The following ATP11B variants were observed in gnomAD, a reference collection of about 807,000 sequenced individuals.
ATP11B encodes phospholipid-transporting ATPase IF.
ATP11B carries 81 observed loss-of-function variants against 157.8 expected under a neutral mutation model. The ratio of observed to expected loss-of-function variants is 0.51; its 90% CI spans 0.43 to 0.62. The LOEUF (loss-of-function observed/expected upper bound fraction) is 0.62, where lower values mean the gene tolerates loss of function less well. Ranked by LOEUF, ATP11B falls within the 20% of genes least tolerant of loss-of-function variation. The pLI, the probability that ATP11B is intolerant of heterozygous loss-of-function variation, is 0.00. For missense variants in ATP11B, 1,165 were observed against 1,402.2 expected (o/e 0.83, Z 2.70); for synonymous variants, 451 against 469.4 (o/e 0.96, Z 0.51).
At chr3:182,857,855 A>T (rs1452445713) in intron 10 of ATP11B, 23 bp from the exon 11 acceptor site, 1 of 1,408,352 alleles carries the variant, frequency 7.1e-7, no homozygotes, top group Non-Finnish European at 9.9e-7. Context: ...TGTATGTTTT[A>T]TATTCTCTTT....
intron 10 of ATP11B, among the ~76,000 whole-genome samples, chr3:182,854,260 G>A (rs933558559): frequency 6.6e-6 from 1 of 151,968 alleles, no homozygotes; most frequent in Non-Finnish European, 1.5e-5. Flanking sequence ...ACCTGAGGTC[G>A]GGAGTCCGAG....
intron 2 of ATP11B, among the ~76,000 whole-genome samples, chr3:182,823,389 T>C (rs1232512827): frequency 6.6e-6 from 1 of 152,204 alleles, no homozygotes; most frequent in Non-Finnish European, 1.5e-5. Flanking sequence ...CCCCATTTCT[T>C]GTTTTTGTCA....
chr3:182,836,221 A>G lies in ATP11B; in HGVS notation c.423+79A>G, dbSNP rs953172259. ...AATTCTAATCTTGATATTACGTTTTAGTTAAAAGCCTACTTTCCTATGCTA... is the reference window on the plus strand; with the variant it reads ...AATTCTAATCTTGATATTACGTTTTGGTTAAAAGCCTACTTTCCTATGCTA... On this transcript the variant is annotated intron_variant, in intron 5 of 29. Coordinates refer to ENST00000323116, the MANE Select transcript of ATP11B (RefSeq NM_014616.3). The G allele has an allele frequency of 3.2e-6, 5 of 1,559,524 alleles. No individual in the cohort carries two copies. In the African/African-American group the frequency reaches 5.5e-5, roughly 17 times the overall value.
intron 21 of ATP11B, among the ~76,000 whole-genome samples, chr3:182,883,595 G>A (rs978198539): frequency 5.9e-5 from 9 of 151,470 alleles, no homozygotes; most frequent in East Asian, 2.0e-4. Flanking sequence ...ATTTTTATAC[G>A]TGTTTTTGTA....
intron 29 of ATP11B, chr3:182,915,444 C>T (rs548036903): frequency 8.1e-6 from 8 of 985,082 alleles, no homozygotes; most frequent in Non-Finnish European, 9.6e-6. Context: ...CCTAGGCCAG[C>T]AAATTTCCCA....
chr3:182,803,074 T>C (rs570300743), intron 1 of ATP11B, among the ~76,000 whole-genome samples: 52 of 152,328 alleles, frequency 3.4e-4, no homozygotes, highest in Non-Finnish European at 6.2e-4. Flanking sequence ...ATGACTATTA[T>C]TGTTTATTTA....
intron 12 of ATP11B, among the ~76,000 whole-genome samples, chr3:182,864,087 C>G (rs1056934245): frequency 1.3e-5 from 2 of 151,888 alleles, no homozygotes; most frequent in Non-Finnish European, 2.9e-5. Context: ...CAAATTTAAC[C>G]CTACCTTTCT....
chr3:182,894,538 C>T (rs1197552322), intron 25 of ATP11B, among the ~76,000 whole-genome samples: 1 of 152,188 alleles, frequency 6.6e-6, no homozygotes. Context: ...CTCACATTAT[C>T]ACCTACCAGC....
intron 21 of ATP11B, among the ~76,000 whole-genome samples, chr3:182,884,361 G>A (rs1722659750): frequency 6.6e-6 from 1 of 152,034 alleles, no homozygotes; most frequent in Non-Finnish European, 1.5e-5. Context: ...GACTCAATTT[G>A]AATATTTTTT....
chr3:182,861,028 A>G (rs1720790422), intron 12 of ATP11B, among the ~76,000 whole-genome samples: 1 of 152,064 alleles, frequency 6.6e-6, no homozygotes, highest in African/African-American at 2.4e-5. Flanking sequence ...GGTTTATGAG[A>G]GAATGGGATT....
rs567187702 is a variant in ATP11B, at chr3:182,883,535, G to A, written c.2510-1218G>A. On this transcript the variant is annotated intron_variant, in intron 21 of 29. Transcript: ENST00000323116. Reference sequence around the variant, plus strand: ...GGCCTCCCAAAGTGCTAGGACTACAGGCGTGAGCCACCACACCCAGCCTGA... The same window carrying A: ...GGCCTCCCAAAGTGCTAGGACTACAAGCGTGAGCCACCACACCCAGCCTGA... Among the ~76,000 whole-genome samples, 9 of 151,922 alleles carry A rather than the reference G, an allele frequency of 5.9e-5. No individual in the cohort carries two copies. In the East Asian group the frequency reaches 1.8e-3, roughly 30 times the overall value.
chr3:182,872,592 C>G (rs1301235461), intron 18 of ATP11B, 55 bp downstream of exon 18: 7 of 1,381,172 alleles, frequency 5.1e-6, no homozygotes, highest in Non-Finnish European at 6.9e-6. Flanking sequence ...ATTTTTGTAA[C>G]CAAGTATTCT....
chr3:182,847,791 C>G (rs1305101810), intron 9 of ATP11B, among the ~76,000 whole-genome samples: 3 of 152,118 alleles, frequency 2.0e-5, no homozygotes, highest in Admixed American at 2.0e-4. Flanking sequence ...AAATTACTTA[C>G]CCGAGGATGT....
chr3:182,862,369 C>T (rs563816521), intron 12 of ATP11B, among the ~76,000 whole-genome samples: 4 of 152,176 alleles, frequency 2.6e-5, no homozygotes, highest in African/African-American at 9.6e-5. Flanking sequence ...AATGAGCTGA[C>T]AGGCCCAGCA....
intron 12 of ATP11B, among the ~76,000 whole-genome samples, chr3:182,860,737 T>G (rs1397158071): frequency 1.3e-5 from 2 of 152,202 alleles, no homozygotes; most frequent in Admixed American, 6.5e-5. Context: ...ATTTATCTTT[T>G]CAGTATCTTT....
In ATP11B at chr3:182,810,154, A is replaced by T. The variant is rs370963531; in HGVS notation, c.28-10106A>T. On this transcript the variant is annotated intron_variant, in intron 1 of 29. Transcript: ENST00000323116. ...CAAGACCAGCCTGGCCAACACGGTGAAACCCCATCTCTACTAAAAATACAA... is the reference window on the plus strand; with the variant it reads ...CAAGACCAGCCTGGCCAACACGGTGTAACCCCATCTCTACTAAAAATACAA... 3.2e-3 allele frequency among the ~76,000 whole-genome samples: 488 copies of T among 152,244 alleles called. 3 individuals carry two copies. Among genetic ancestry groups the T allele is most frequent in the African/African-American group, 0.011 (470 of 41,546 alleles).
intron 12 of ATP11B, among the ~76,000 whole-genome samples, chr3:182,864,222 T>C (rs1346469214): frequency 6.6e-6 from 1 of 152,162 alleles, no homozygotes; most frequent in Non-Finnish European, 1.5e-5. Context: ...TAGTTTTACC[T>C]CTTGTTTTCC....
chr3:182,797,753 T>C (rs1169622433), intron 1 of ATP11B, among the ~76,000 whole-genome samples: 1 of 151,498 alleles, frequency 6.6e-6, no homozygotes, highest in Non-Finnish European at 1.5e-5. Context: ...ATTTTTTTGT[T>C]AGTTACATGT....
chr3:182,908,762 C>T (rs1281446231), intron 28 of ATP11B, among the ~76,000 whole-genome samples: 1 of 152,170 alleles, frequency 6.6e-6, no homozygotes, highest in Non-Finnish European at 1.5e-5. Flanking sequence ...AAGCTCATTA[C>T]TTGTTTTAGA....
Sources: allele counts gnomAD v4.1 joint callset (sites outside exome capture counted in the v4.1 genomes callset), GRCh38; gene constraint gnomAD v4.1.1; transcripts MANE v1.5; gene names NCBI Gene and HGNC (gene_info 2026-07-23, HGNC 2026-07-21).